Variants in SS18L1 observed in about 807,000 individuals in gnomAD.
The protein encoded by SS18L1 is SS18L1 subunit of BAF chromatin remodeling complex.
Under a neutral mutation model 70.3 loss-of-function variants are expected in SS18L1, and 32 were observed. The ratio of observed to expected loss-of-function variants is 0.46; its 90% CI spans 0.34 to 0.61. SS18L1 has a LOEUF of 0.61. SS18L1 is among the 20% of genes least tolerant of loss of function. The pLI is 0.01. For synonymous variants in SS18L1, 237 were observed against 229.7 expected (o/e 1.03, Z -0.29); for missense variants, 430 against 542.1 (o/e 0.79, Z 2.05).
In SS18L1 at chr20:62,164,231, C is replaced by G. The variant is rs1214727577; in HGVS notation, c.808C>G (p.Gln270Glu). The G allele has an allele frequency of 6.5e-7, 1 of 1,548,684 alleles. No homozygotes were observed. The highest frequency in any genetic ancestry group is 8.7e-7 in the Non-Finnish European group (1 of 1,146,200). The change falls in exon 7 of 11, where the codon CAG becomes GAG. Residue 270 changes from glutamine (Q) to glutamate (E), a missense_variant. Coordinates refer to ENST00000331758, the MANE Select transcript of SS18L1 (RefSeq NM_198935.3). ...GGGCGCCGCGGAGCCCATGGGCCAG[C>G]AGTACTACCCCGACGGTGAGCACTG... ...SQGAAEPMGQQYYPDGHGDYA... is the reference protein window; with the variant it reads ...SQGAAEPMGQEYYPDGHGDYA...
At chr20:62,144,229 G>C (rs2056979062) in intron 1 of SS18L1, among the ~76,000 whole-genome samples, 1 of 151,762 alleles carries the variant, frequency 6.6e-6, no homozygotes, top group African/African-American at 2.4e-5. Flanking sequence ...CGCGCGCTGG[G>C]AACTGTCCTG....
In SS18L1 at chr20:62,159,491, C is replaced by T. The variant is rs1023614167; in HGVS notation, c.147-386C>T. 2.6e-5 allele frequency among the ~76,000 whole-genome samples: 4 copies of T among 152,284 alleles called. No homozygotes were observed. The highest frequency in any genetic ancestry group is 3.4e-3 in the Middle Eastern group (1 of 294). ...TCAGGGTCGTTGGCTCTATGGAGTC[C>T]GCCCACTGCCTGGCTCAGCTGGACG... On this transcript the variant is annotated intron_variant, in intron 2 of 10. Coordinates refer to ENST00000331758, the MANE Select transcript of SS18L1 (RefSeq NM_198935.3). This position sits in a 1 kb window ranked among gnomAD's most constrained non-coding sequence, Gnocchi z 4.4.
At chr20:62,153,851 G>C (rs75976153) in intron 1 of SS18L1, among the ~76,000 whole-genome samples, 1 of 152,136 alleles carries the variant, frequency 6.6e-6, no homozygotes, top group Non-Finnish European at 1.5e-5. Flanking sequence ...GGAGGGAGGC[G>C]CATCATTTTA....
At chr20:62,146,184 C>T (rs1352685239) in intron 1 of SS18L1, among the ~76,000 whole-genome samples, 5 of 152,100 alleles carry the variant, frequency 3.3e-5, no homozygotes, top group African/African-American at 1.2e-4. Context: ...TCTACTCAAC[C>T]TTCAAAGCCT....
chr20:62,164,777 C>G (rs912610592), intron 7 of SS18L1, among the ~76,000 whole-genome samples: 5 of 152,210 alleles, frequency 3.3e-5, no homozygotes, highest in Admixed American at 1.3e-4. Flanking sequence ...ACCTGTCATT[C>G]CGGCACTTTG....
At chr20:62,171,145 A>C (rs953321453) in intron 8 of SS18L1, among the ~76,000 whole-genome samples, 1 of 151,386 alleles carries the variant, frequency 6.6e-6, no homozygotes, top group Non-Finnish European at 1.5e-5. Context: ...CTTGTGATCC[A>C]CCCGCCTCGG....
intron 7 of SS18L1, among the ~76,000 whole-genome samples, chr20:62,164,739 G>A (rs2057397169): frequency 6.6e-6 from 1 of 152,168 alleles, no homozygotes; most frequent in African/African-American, 2.4e-5. Context: ...GATACTGAAA[G>A]TGGTCTTGGC....
chr20:62,172,608 C>T (rs200872608), intron 8 of SS18L1, 74 bp from the exon 9 acceptor site: 13 of 1,604,292 alleles, frequency 8.1e-6, no homozygotes, highest in South Asian at 4.4e-5. Flanking sequence ...GTTACCGTGT[C>T]GTGAGTGGGC....
chr20:62,146,807 C>T (rs57599033), intron 1 of SS18L1, among the ~76,000 whole-genome samples: 16,665 of 151,770 alleles, frequency 0.11, 2,829 homozygotes, highest in African/African-American at 0.36. Flanking sequence ...TTAGTAGAGA[C>T]GGAGTTTCTC....
At chr20:62,171,327 G>A (rs1163897544) in intron 8 of SS18L1, among the ~76,000 whole-genome samples, 3 of 152,172 alleles carry the variant, frequency 2.0e-5, no homozygotes, top group Non-Finnish European at 4.4e-5. Context: ...GGCTTTCATG[G>A]GGGCAGGAGA....
chr20:62,158,854 C>T lies in SS18L1; in HGVS notation c.146+106C>T, dbSNP rs72487379. The T allele has an allele frequency of 1.1e-3, 1,741 of 1,609,824 alleles. 35 individuals carry two copies. The East Asian group carries it at 0.034, about 31-fold the overall frequency. On this transcript the variant is annotated intron_variant, in intron 2 of 10. Coordinates refer to ENST00000331758, the MANE Select transcript of SS18L1 (RefSeq NM_198935.3). The surrounding 1 kb of genome is among the most constrained non-coding windows in gnomAD (Gnocchi z 4.5). The stretch of plus-strand genomic sequence containing the variant: ...CCCCCAGCACAGAGATCAGATAAGT[C>T]CCAGGAGTCCCCAGCACGGAGGCCA...
intron 1 of SS18L1, chr20:62,154,533 G>A: frequency 9.8e-7 from 1 of 1,016,310 alleles, no homozygotes; most frequent in Non-Finnish European, 1.2e-6. Flanking sequence ...TCTCCGTTGG[G>A]ACTGGGTCAT....
At chr20:62,150,983 A>T (rs1183092912) in intron 1 of SS18L1, among the ~76,000 whole-genome samples, 1 of 152,090 alleles carries the variant, frequency 6.6e-6, no homozygotes, top group Non-Finnish European at 1.5e-5. Flanking sequence ...AAGTCTTTGT[A>T]ATTAGAAAGG....
chr20:62,146,604 CATT>C (rs1213049812), intron 1 of SS18L1, among the ~76,000 whole-genome samples: 2 of 34,158 alleles, frequency 5.9e-5, no homozygotes, highest in African/African-American at 1.2e-4. Flanking sequence ...CTGCTTTGAT[CATT>C]TTTTTTTTTT....
rs1402916659 is a variant in SS18L1 at position 62,174,610 on chromosome 20, C to T, written c.1130C>T (p.Ser377Phe). The change falls in exon 10 of 11, where the codon TCT (serine) becomes TTT (phenylalanine). Residue 377 changes from serine (S) to phenylalanine (F), a missense_variant. Ser to Phe is a radical substitution (Grantham distance 155). Transcript: ENST00000331758. The surrounding 1 kb of genome is among the most constrained non-coding windows in gnomAD (Gnocchi z 4.1). Reference protein sequence around the residue: ...GSYRAPQTAPSAQQQRPYGYE... With the variant: ...GSYRAPQTAPFAQQQRPYGYE... The stretch of plus-strand genomic sequence containing the variant: ...TACCGAGCACCGCAGACAGCGCCGT[C>T]TGCCCAGCAGCAGCGGCCCTACGGC... The T allele has an allele frequency of 1.2e-6, 2 of 1,613,744 alleles. No individual in the cohort carries two copies. Among genetic ancestry groups the T allele is most frequent in the Admixed American group, 1.7e-5 (1 of 60,024 alleles).
At chr20:62,160,016 C>T in intron 3 of SS18L1, 55 bp downstream of exon 3, 2 of 1,520,600 alleles carry the variant, frequency 1.3e-6, no homozygotes, top group South Asian at 2.3e-5. Flanking sequence ...CCGACACTGC[C>T]TAAGATCGGA....
intron 1 of SS18L1, among the ~76,000 whole-genome samples, chr20:62,152,641 C>T (rs910421471): frequency 2.6e-5 from 4 of 151,454 alleles, no homozygotes; most frequent in African/African-American, 4.9e-5. Context: ...CGCTCCAGGC[C>T]GCGTGAATGG....
In SS18L1 at chr20:62,159,817, A is replaced by T. The variant is rs886791772; in HGVS notation, c.147-60A>T. On this transcript the variant is annotated intron_variant, in intron 2 of 10. Coordinates refer to ENST00000331758, the MANE Select transcript of SS18L1 (RefSeq NM_198935.3). The surrounding 1 kb of genome is among the most constrained non-coding windows in gnomAD (Gnocchi z 4.4). ...TGTTCACACTTTACTTCTGCCTTGG[A>T]TCCACGTGGGGACTCTGTGGTCCCG... The T allele has an allele frequency of 2.6e-6, 4 of 1,533,442 alleles. No homozygotes were observed. Among genetic ancestry groups the T allele is most frequent in the African/African-American group, 1.4e-5 (1 of 72,950 alleles). 95.0% of individuals were successfully genotyped at this position (1,533,442 alleles called of 1,614,324 possible). A position where few individuals can be genotyped will look rare whatever the true frequency, so the allele number is the denominator to read the frequency against.
chr20:62,173,781 T>G (rs1439756449), intron 9 of SS18L1, among the ~76,000 whole-genome samples: 4 of 152,138 alleles, frequency 2.6e-5, no homozygotes, highest in Non-Finnish European at 2.9e-5. Context: ...TTTGGGAGGC[T>G]GAGGCAGGAG....
Sources: allele counts gnomAD v4.1 joint callset (sites outside exome capture counted in the v4.1 genomes callset), GRCh38; gene constraint gnomAD v4.1.1; non-coding constraint Gnocchi (gnomAD v3.1); transcripts MANE v1.5; gene names NCBI Gene and HGNC (gene_info 2026-07-23, HGNC 2026-07-21).